Variants in PRAMEF4 observed in about 807,000 individuals in gnomAD.
PRAMEF4 encodes the protein RP5-845O24.6.
A neutral mutation model predicts 34.4 loss-of-function variants in PRAMEF4; 18 were observed. The ratio of observed to expected loss-of-function variants is 0.52; its 90% confidence interval spans 0.36 to 0.78. The LOEUF is 0.78. PRAMEF4 is among the 30% of genes least tolerant of loss of function. The pLI is 0.00. For synonymous variants in PRAMEF4, 156 were observed against 219.3 expected (o/e 0.71, Z 2.55); for missense variants, 482 against 569.1 (o/e 0.85, Z 1.56).
intron 3 of PRAMEF4, 123 bp downstream of exon 3, chr1:12,881,731 G>T (rs1640892808): frequency 7.5e-6 from 11 of 1,470,586 alleles, no homozygotes; most frequent in Non-Finnish European, 9.2e-6. Flanking sequence ...GACAATGCAT[G>T]GACATTCTAG....
Position 12,879,692 on chromosome 1 carries a change from C to G in PRAMEF4, c.1289G>C (p.Trp430Ser), listed in dbSNP as rs138413231. The change falls in exon 4 of 4, where the codon TGG becomes TCG. Residue 430 changes from tryptophan to serine, a missense_variant. Trp to Ser is a radical substitution (Grantham distance 177, BLOSUM62 -3). Coordinates refer to ENST00000235349, the MANE Select transcript of PRAMEF4 (RefSeq NM_001009611.4). ...AGCCCTAATTTGAGCAAATCTGCTC[C>G]AGCAGAGAGTACCATCAGCACCATA... ...ESYGADGTLCWSRFAQIRAEL... is the reference protein window; with the variant it reads ...ESYGADGTLCSSRFAQIRAEL... 3.6e-5 allele frequency: 57 copies of G among 1,601,998 alleles called. 5 individuals carry two copies. In the African/African-American group the frequency reaches 7.4e-4, roughly 21 times the overall value.
chr1:12,883,021 G>A (rs4517357), intron 2 of PRAMEF4, 81 bp downstream of exon 2: 172,181 of 1,551,924 alleles, frequency 0.11, 18,975 homozygotes, highest in African/African-American at 0.24. Flanking sequence ...TCCCCCTTGG[G>A]CCTCCTCACT....
intron 1 of PRAMEF4, among the ~76,000 whole-genome samples, chr1:12,885,285 C>T (rs4126247): frequency 8.0e-5 from 12 of 149,406 alleles, no homozygotes; most frequent in Admixed American, 2.1e-4. Flanking sequence ...ATGCACCCCC[C>T]ACAGCCATGC....
At chr1:12,885,829 G>A (rs957626887) in intron 1 of PRAMEF4, among the ~76,000 whole-genome samples, 1 of 142,716 alleles carries the variant, frequency 7.0e-6, no homozygotes, top group African/African-American at 2.7e-5. Context: ...TTTTTGTCAT[G>A]TTGTCCAGGT....
rs1265048032 is a variant in PRAMEF4, at chr1:12,883,226, T to A, written c.169A>T (p.Met57Leu). ...SRRRCEALKL[M>L]VQSWPFRRLP... ...CGGCGGAAGGGCCAGGACTGCACCA[T>A]CAGCTTCAGGGCCTCACAGCGTCTC... Residue 57 changes from methionine (M) to leucine (L), a missense_variant, in exon 2 of 4, where the codon ATG (methionine) becomes TTG (leucine). Around this residue, in one of 6 missense-constraint regions of PRAMEF4, gnomAD observed 172 missense variants for 130.2 expected, o/e 1.32. Coordinates refer to ENST00000235349, the MANE Select transcript of PRAMEF4 (RefSeq NM_001009611.4). 6.3e-7 allele frequency: 1 copy of A among 1,598,532 alleles called. No individual in the cohort carries two copies. Among genetic ancestry groups the A allele is most frequent in the African/African-American group, 1.4e-5 (1 of 72,618 alleles).
At chr1:12,881,464 C>G (rs546528176) in intron 3 of PRAMEF4, among the ~76,000 whole-genome samples, 1 of 149,342 alleles carries the variant, frequency 6.7e-6, no homozygotes, top group African/African-American at 2.5e-5. Flanking sequence ...CTCCTAGGCT[C>G]AAGCTATCCT....
At position 12,884,890 on chromosome 1, in the gene PRAMEF4, G is replaced by A. The variant is rs961784099; in HGVS notation, c.-17+1257C>T. Among the ~76,000 whole-genome samples, 11 of 150,168 alleles carry A rather than the reference G, an allele frequency of 7.3e-5. 1 individual carries two copies. The highest frequency in any genetic ancestry group is 2.7e-4 in the African/African-American group (11 of 40,554). Reference sequence around the variant, plus strand: ...ATTCACTGATTCCCTTCACAAACATGGAGTTTTACTAATATGTGTCCTTCA... The same window carrying A: ...ATTCACTGATTCCCTTCACAAACATAGAGTTTTACTAATATGTGTCCTTCA... On this transcript the variant is annotated intron_variant, in intron 1 of 3. Transcript: ENST00000235349.
At chr1:12,885,760 G>C (rs1185857239) in intron 1 of PRAMEF4, among the ~76,000 whole-genome samples, 2 of 147,028 alleles carry the variant, frequency 1.4e-5, no homozygotes, top group Non-Finnish European at 3.0e-5. Flanking sequence ...ACTCCAGTCT[G>C]GGCAACACAG....
At chr1:12,880,959 C>T (rs1276883962) in intron 3 of PRAMEF4, among the ~76,000 whole-genome samples, 2 of 147,264 alleles carry the variant, frequency 1.4e-5, no homozygotes, top group South Asian at 2.2e-4. Flanking sequence ...TGGGATCATT[C>T]ATGTTCACCA....
At chr1:12,881,260 G>A (rs201748790) in intron 3 of PRAMEF4, among the ~76,000 whole-genome samples, 1 of 148,272 alleles carries the variant, frequency 6.7e-6, no homozygotes, top group Non-Finnish European at 1.5e-5. Flanking sequence ...CAGGCACTCA[G>A]GAGGCTGAGG....
chr1:12,884,495 A>C (rs1241324901), intron 1 of PRAMEF4, among the ~76,000 whole-genome samples: 5 of 148,728 alleles, frequency 3.4e-5, no homozygotes, highest in Non-Finnish European at 7.4e-5. Context: ...CAGGTGGATC[A>C]TCTGAGATCA....
At position 12,879,791 on chromosome 1, in the gene PRAMEF4, A is replaced by G; in HGVS notation, c.1190T>C (p.Leu397Pro). Reference sequence around the variant, plus strand: ...GATTGTGTGGCTCAGCAGGTTCTCCAGGGTGGCCATGCAGATGGGATTTCC... The same window carrying G: ...GATTGTGTGGCTCAGCAGGTTCTCCGGGGTGGCCATGCAGATGGGATTTCC... ...FCGNPICMAT[L>P]ENLLSHTIIL... The change falls in exon 4 of 4, where the codon CTG becomes CCG. Residue 397 changes from leucine to proline, a missense_variant. By Grantham distance (98) the Leu-to-Pro change is moderately conservative (BLOSUM62 -3). Transcript: ENST00000235349. The G allele has an allele frequency of 6.2e-7, 1 of 1,600,818 alleles. No individual in the cohort carries two copies. Among genetic ancestry groups the G allele is most frequent in the Non-Finnish European group, 8.5e-7 (1 of 1,174,122 alleles).
intron 3 of PRAMEF4, among the ~76,000 whole-genome samples, chr1:12,880,323 C>A (rs1640863945): frequency 6.6e-6 from 1 of 150,666 alleles, no homozygotes; most frequent in Non-Finnish European, 1.5e-5. Flanking sequence ...CACCTGTAAT[C>A]CCAGCACTTT....
rs549480546 is a variant in PRAMEF4, at chr1:12,881,706, C to G, written c.875+148G>C. The stretch of plus-strand genomic sequence containing the variant: ...GGGTTGCATGATACCCATTTCAGGA[C>G]AGGGCCGCCCACAGGACAATGCATG... On this transcript the variant is annotated intron_variant, in intron 3 of 3. Coordinates refer to ENST00000235349, the MANE Select transcript of PRAMEF4 (RefSeq NM_001009611.4). 9 of 1,357,654 alleles carry G rather than the reference C, an allele frequency of 6.6e-6. 1 individual carries two copies. The African/African-American group carries it at 1.2e-4, about 18-fold the overall frequency. The allele number at this position is 1,357,654 out of a possible 1,614,324, so 84.1% of individuals were successfully genotyped here.
intron 1 of PRAMEF4, among the ~76,000 whole-genome samples, chr1:12,885,500 C>T (rs1474514555): frequency 1.3e-5 from 2 of 149,210 alleles, no homozygotes; most frequent in Non-Finnish European, 3.0e-5. Context: ...GCTGGGACTA[C>T]AGATGCATGG....
At chr1:12,880,989 G>A (rs1640877525) in intron 3 of PRAMEF4, among the ~76,000 whole-genome samples, 1 of 147,500 alleles carries the variant, frequency 6.8e-6, no homozygotes, top group Admixed American at 7.0e-5. Context: ...GCACAAAGCT[G>A]ATTTTCTGAC....
chr1:12,882,833 A>T (rs1640918631), intron 2 of PRAMEF4, among the ~76,000 whole-genome samples: 2 of 147,320 alleles, frequency 1.4e-5, no homozygotes, highest in African/African-American at 5.1e-5. Context: ...CAGCCTCCCA[A>T]TGTGCTGGGA....
At chr1:12,883,791 C>A (rs1477849251) in intron 1 of PRAMEF4, among the ~76,000 whole-genome samples, 11 of 147,494 alleles carry the variant, frequency 7.5e-5, no homozygotes, top group South Asian at 2.2e-4. Flanking sequence ...TCAGTTCCTA[C>A]AAATAAGCTT....
In PRAMEF4 at chr1:12,881,849, C is replaced by G; in HGVS notation, c.875+5G>C. On this transcript the variant is annotated splice_donor_5th_base_variant and intron_variant, in intron 3 of 3. Transcript: ENST00000235349. ...CTGCAGAGAAAGCTCACCACCCTCCCTCACCTGAGCAGCTGGTCCAGGTGG... is the reference window on the plus strand; with the variant it reads ...CTGCAGAGAAAGCTCACCACCCTCCGTCACCTGAGCAGCTGGTCCAGGTGG... The G allele has an allele frequency of 6.3e-7, 1 of 1,599,054 alleles. No homozygotes were observed. The highest frequency in any genetic ancestry group is 2.2e-5 in the East Asian group (1 of 44,588).
Sources: allele counts gnomAD v4.1 joint callset (sites outside exome capture counted in the v4.1 genomes callset), GRCh38; gene constraint gnomAD v4.1.1; regional missense constraint gnomAD v4.1.1; transcripts MANE v1.5; gene names NCBI Gene and HGNC (gene_info 2026-07-23, HGNC 2026-07-21).